Variants in PPFIA2 observed in about 807,000 individuals in gnomAD.
The protein encoded by PPFIA2 is liprin-alpha-2.
PPFIA2 carries 46 observed loss-of-function variants against 175.5 expected under a neutral mutation model. The ratio of observed to expected loss-of-function variants is 0.26; its 90% CI spans 0.21 to 0.34. PPFIA2 has a LOEUF of 0.34. Ranked by LOEUF, PPFIA2 falls within the 10% of genes least tolerant of loss-of-function variation. The pLI is 1.00. For synonymous variants in PPFIA2, 568 were observed against 511.4 expected, an observed-to-expected ratio of 1.11 and a Z score of -1.49; for missense variants, 1,179 against 1,506.1, an observed-to-expected ratio of 0.78 and a Z score of 3.60.
chr12:81,614,467 T>C (rs1364976400), intron 4 of PPFIA2, among the ~76,000 whole-genome samples: 1 of 152,150 alleles, frequency 6.6e-6, no homozygotes, highest in East Asian at 1.9e-4. Flanking sequence ...GTAATTTATA[T>C]GAATGGACAT....
chr12:81,511,254 C>G (rs1479100343), intron 4 of PPFIA2, among the ~76,000 whole-genome samples: 1 of 151,860 alleles, frequency 6.6e-6, no homozygotes, highest in Non-Finnish European at 1.5e-5. Flanking sequence ...TTTGAAAATG[C>G]GTATACAAAG....
chr12:81,676,817 C>T lies in PPFIA2; in HGVS notation c.277G>A (p.Ala93Thr). 6.4e-7 allele frequency: 1 copy of T among 1,563,944 alleles called. No homozygotes were observed. The highest frequency in any genetic ancestry group is 1.4e-5 in the African/African-American group (1 of 72,166). The change falls in exon 4 of 33, where the codon GCT becomes ACT. Residue 93 changes from alanine (A) to threonine (T), a missense_variant. Ala to Thr is a moderately conservative substitution (Grantham distance 58, BLOSUM62 0). Around this residue, in one of 10 missense-constraint regions of PPFIA2, gnomAD observed 128 missense variants for 141.4 expected, o/e 0.91. Coordinates refer to ENST00000549396, the MANE Select transcript of PPFIA2 (RefSeq NM_003625.5). The part of the protein sequence containing the change: ...QDIESLTGGL[A>T]GSKGADPPEF... The stretch of plus-strand genomic sequence containing the variant: ...GGTGGATCAGCCCCCTTAGAACCAG[C>T]CAGCCCTCCTGTTAGGGATTCGATA...
intron 4 of PPFIA2, among the ~76,000 whole-genome samples, chr12:81,648,048 T>G (rs1320244731): frequency 2.0e-5 from 3 of 150,184 alleles, no homozygotes; most frequent in Non-Finnish European, 4.4e-5. Flanking sequence ...GAATATAATT[T>G]TATCCAGAAT....
chr12:81,396,743 G>C (rs1466265544), intron 8 of PPFIA2, among the ~76,000 whole-genome samples: 1 of 152,058 alleles, frequency 6.6e-6, no homozygotes, highest in Non-Finnish European at 1.5e-5. Context: ...GATTCATGCT[G>C]TTTTAAAAAT....
chr12:81,625,209 T>C (rs1003116496), intron 4 of PPFIA2, among the ~76,000 whole-genome samples: 1 of 151,806 alleles, frequency 6.6e-6, no homozygotes, highest in South Asian at 2.1e-4. Flanking sequence ...ACAGCATGGA[T>C]GTCAGAAATG....
intron 7 of PPFIA2, among the ~76,000 whole-genome samples, chr12:81,418,464 T>A (rs1355087161): frequency 2.0e-5 from 3 of 151,958 alleles, no homozygotes; most frequent in African/African-American, 4.8e-5. Context: ...TTGAAAAACA[T>A]TAAAAGAGAA....
intron 21 of PPFIA2, among the ~76,000 whole-genome samples, chr12:81,331,012 T>A (rs2056009422): frequency 6.6e-6 from 1 of 152,222 alleles, no homozygotes; most frequent in South Asian, 2.1e-4. Flanking sequence ...CTTTGTGGAA[T>A]TTACATTGTA....
At chr12:81,615,862 T>C (rs368366460) in intron 4 of PPFIA2, among the ~76,000 whole-genome samples, 1 of 152,064 alleles carries the variant, frequency 6.6e-6, no homozygotes, top group South Asian at 2.1e-4. Context: ...AGGGAGAGGC[T>C]CCAGGAGAGG....
chr12:81,486,681 A>C (rs1045947367), intron 4 of PPFIA2, among the ~76,000 whole-genome samples: 1 of 151,886 alleles, frequency 6.6e-6, no homozygotes, highest in Non-Finnish European at 1.5e-5. Flanking sequence ...TTATCCATGT[A>C]ACTCATATCA....
intron 5 of PPFIA2, among the ~76,000 whole-genome samples, chr12:81,456,100 T>C (rs1242272342): frequency 1.3e-5 from 2 of 152,186 alleles, no homozygotes; most frequent in African/African-American, 2.4e-5. Context: ...CACTTGAGTG[T>C]GCTGTGTTAA....
rs567684258 is a variant in PPFIA2, at chr12:81,639,644, C to T, written c.303+37147G>A. 4.0e-5 allele frequency among the ~76,000 whole-genome samples: 6 copies of T among 150,156 alleles called. No individual in the cohort carries two copies. The East Asian group carries it at 1.2e-3, about 29-fold the overall frequency. On this transcript the variant is annotated intron_variant, in intron 4 of 32. Transcript: ENST00000549396. ...TGTTTTTAGATTTAAATAAAGAAAG[C>T]TGAGATATATGTGTTTTTCATAAAA... is the stretch of plus-strand genomic sequence containing the variant.
intron 4 of PPFIA2, among the ~76,000 whole-genome samples, chr12:81,459,675 G>T (rs545175960): frequency 6.6e-6 from 1 of 152,168 alleles, no homozygotes; most frequent in East Asian, 1.9e-4. Context: ...TAAAGCAGAG[G>T]GGAGAAATTA....
chr12:81,652,758 C>T (rs1035539179), intron 4 of PPFIA2, among the ~76,000 whole-genome samples: 1 of 151,962 alleles, frequency 6.6e-6, no homozygotes, highest in African/African-American at 2.4e-5. Context: ...TCACTATTCC[C>T]ATATCATTAT....
chr12:81,409,182 C>G (rs2043452728), intron 7 of PPFIA2, among the ~76,000 whole-genome samples: 1 of 152,058 alleles, frequency 6.6e-6, no homozygotes, highest in South Asian at 2.1e-4. Flanking sequence ...AGCTAATGGC[C>G]TCAAAATATT....
intron 9 of PPFIA2, among the ~76,000 whole-genome samples, chr12:81,380,710 C>T (rs2037443417): frequency 6.6e-6 from 1 of 152,072 alleles, no homozygotes; most frequent in Non-Finnish European, 1.5e-5. Context: ...TTCCGTGCTG[C>T]CGAGGAGGGA....
At chr12:81,365,786 A>G (rs1239207810) in intron 14 of PPFIA2, among the ~76,000 whole-genome samples, 1 of 151,798 alleles carries the variant, frequency 6.6e-6, no homozygotes, top group East Asian at 1.9e-4. Context: ...ACTATATTCT[A>G]GGCCCCACAT....
At chr12:81,300,701 C>T (rs1052773708) in intron 22 of PPFIA2, among the ~76,000 whole-genome samples, 2 of 152,178 alleles carry the variant, frequency 1.3e-5, no homozygotes, top group African/African-American at 2.4e-5. Flanking sequence ...AGTAGAGGCA[C>T]TTCTTCACCT....
chr12:81,725,409 T>G (rs1260405862), intron 3 of PPFIA2, among the ~76,000 whole-genome samples: 1 of 150,868 alleles, frequency 6.6e-6, no homozygotes, highest in Non-Finnish European at 1.5e-5. Context: ...ACAAAACATA[T>G]TCCCATCAGT....
At chr12:81,312,077 CAA>C in intron 22 of PPFIA2, 1 of 1,379,296 alleles carries the variant, frequency 7.3e-7, no homozygotes, top group African/African-American at 1.5e-5. Flanking sequence ...TGTTACAACT[CAA>C]AAGAGTAATA....
Sources: gnomAD v4.1 joint callset for allele counts (sites outside exome capture counted in the v4.1 genomes callset) on GRCh38, gnomAD v4.1.1 for gene constraint, gnomAD v4.1.1 regional missense constraint, MANE v1.5 for transcripts, NCBI Gene and HGNC (gene_info 2026-07-23, HGNC 2026-07-21) for gene names.